The following SMARCA2 variants were observed in gnomAD, a reference collection of about 807,000 sequenced individuals.
SMARCA2 encodes SWI/SNF related BAF chromatin remodeling complex subunit ATPase 2, also known as SWI/SNF-related matrix-associated actin-dependent regulator of chromatin subfamily A member 2.
Under a neutral mutation model 199.8 loss-of-function variants are expected in SMARCA2, and 61 were observed. The observed-to-expected ratio is 0.31, with a 90% CI of 0.25 to 0.38. The LOEUF (loss-of-function observed/expected upper bound fraction) is 0.38, where lower values mean the gene tolerates loss of function less well. Among genes scored for constraint, SMARCA2 ranks in the 10% least tolerant of loss-of-function variants. The pLI is 1.00. For missense variants in SMARCA2, 1,344 were observed against 2,012.2 expected, an observed-to-expected ratio of 0.67 and a Z score of 6.35; for synonymous variants, 935 against 732.0, an observed-to-expected ratio of 1.28 and a Z score of -4.48.
Position 2,056,947 on chromosome 9 carries a change from G to A in SMARCA2, c.1347+102G>A. ...ACTGAAAAATGGACCCTTGTGGGTG[G>A]TGGGGACATCACAGAACAGAACGGT... On this transcript the variant is annotated intron_variant, in intron 7 of 33. Coordinates refer to ENST00000349721, the MANE Select transcript of SMARCA2 (RefSeq NM_003070.5). This position sits in a 1 kb window ranked among gnomAD's most constrained non-coding sequence, Gnocchi z 4.0. 2.0e-6 allele frequency: 2 copies of A among 1,017,226 alleles called. No individual in the cohort carries two copies. Among genetic ancestry groups the A allele is most frequent in the Non-Finnish European group, 2.9e-6 (2 of 691,694 alleles). 63.0% of individuals were successfully genotyped at this position (1,017,226 alleles called of 1,614,324 possible).
chr9:2,021,244 T>A (rs773610423), intron 1 of SMARCA2, among the ~76,000 whole-genome samples: 24 of 152,130 alleles, frequency 1.6e-4, no homozygotes, highest in Non-Finnish European at 2.8e-4. Context: ...CCCACAGAAG[T>A]TGAAATAATA....
intron 24 of SMARCA2, among the ~76,000 whole-genome samples, chr9:2,113,977 T>G (rs1455493263): frequency 6.6e-6 from 1 of 152,198 alleles, no homozygotes; most frequent in Admixed American, 6.5e-5. Flanking sequence ...GTGAGAACAG[T>G]TGTTCAATTT....
At chr9:2,165,088 T>C (rs1401390957) in intron 28 of SMARCA2, among the ~76,000 whole-genome samples, 1 of 152,212 alleles carries the variant, frequency 6.6e-6, no homozygotes, top group Non-Finnish European at 1.5e-5. Flanking sequence ...TGTGTTGAGA[T>C]TTTTGCACCA....
Position 2,095,817 on chromosome 9 carries a change from A to G in SMARCA2, c.2884-840A>G, listed in dbSNP as rs139704675. The stretch of plus-strand genomic sequence containing the variant: ...TGATTTATTTTTAATCACATTCTGC[A>G]TATTTCTAGGCATTAATCTGATGTT... On this transcript the variant is annotated intron_variant, in intron 19 of 33. Coordinates refer to ENST00000349721, the MANE Select transcript of SMARCA2 (RefSeq NM_003070.5). Among the ~76,000 whole-genome samples the G allele has an allele frequency of 2.6e-3, 395 of 152,366 alleles. 4 individuals are homozygous for G. Among genetic ancestry groups the G allele is most frequent in the South Asian group, 6.6e-3 (32 of 4,834 alleles).
intron 27 of SMARCA2, among the ~76,000 whole-genome samples, chr9:2,146,632 A>C (rs558832482): frequency 6.6e-6 from 1 of 152,210 alleles, no homozygotes; most frequent in Non-Finnish European, 1.5e-5. Context: ...TAAAGGGATA[A>C]AGAATGGCTA....
At chr9:2,098,472 A>G (rs954162922) in intron 21 of SMARCA2, among the ~76,000 whole-genome samples, 12 of 152,164 alleles carry the variant, frequency 7.9e-5, no homozygotes, top group Non-Finnish European at 2.9e-5. Flanking sequence ...GCTGTGCTGG[A>G]TAATTGGAAA....
intron 31 of SMARCA2, among the ~76,000 whole-genome samples, chr9:2,182,563 G>A (rs1235179015): frequency 7.3e-6 from 1 of 137,746 alleles, no homozygotes; most frequent in African/African-American, 2.7e-5. Flanking sequence ...GTGCCTTCTC[G>A]GCTCATGGCA....
intron 27 of SMARCA2, among the ~76,000 whole-genome samples, chr9:2,135,232 A>G (rs1038651087): frequency 6.6e-6 from 1 of 152,220 alleles, no homozygotes; most frequent in Admixed American, 6.5e-5. Flanking sequence ...CAAGAAAAGA[A>G]GGAATTCCCC....
Position 2,060,849 on chromosome 9 carries a change from G to T in SMARCA2, c.1555G>T (p.Asp519Tyr). 2 of 1,613,974 alleles carry T rather than the reference G, an allele frequency of 1.2e-6. No individual in the cohort carries two copies. Among genetic ancestry groups the T allele is most frequent in the South Asian group, 2.2e-5 (2 of 90,992 alleles). The change falls in exon 9 of 34, where the codon GAT becomes TAT. Residue 519 changes from aspartate to tyrosine, a missense_variant. Around this residue, in one of 18 missense-constraint regions of SMARCA2, gnomAD observed 4 missense variants for 35.9 expected, o/e 0.11. Transcript: ENST00000349721. Reference protein sequence around the residue: ...EDEEGYRKLIDQKKDRRLAYL... With the variant: ...EDEEGYRKLIYQKKDRRLAYL... Reference sequence around the variant, plus strand: ...TGAGGAGGGTTATAGAAAACTGATTGATCAAAAGAAAGACAGGCGTTTAGC... The same window carrying T: ...TGAGGAGGGTTATAGAAAACTGATTTATCAAAAGAAAGACAGGCGTTTAGC...
At chr9:2,192,631 A>C (rs1827964755) in intron 33 of SMARCA2, 73 bp from the exon 34 acceptor site, 1 of 1,045,466 alleles carries the variant, frequency 9.6e-7, no homozygotes, top group African/African-American at 1.6e-5. Flanking sequence ...TGGCCTCTTG[A>C]TGGTTTGTTG....
intron 31 of SMARCA2, among the ~76,000 whole-genome samples, chr9:2,182,802 A>G (rs1827146196): frequency 2.8e-5 from 2 of 70,906 alleles, no homozygotes; most frequent in South Asian, 1.0e-3. Context: ...GCCTCAAAGC[A>G]TATATTTTTT....
At chr9:2,037,707 T>C (rs574463229) in intron 3 of SMARCA2, among the ~76,000 whole-genome samples, 12 of 152,328 alleles carry the variant, frequency 7.9e-5, no homozygotes, top group African/African-American at 2.4e-4. Flanking sequence ...TAAACACTTA[T>C]GTGATGACCT....
At chr9:2,033,425 T>TTGTTTTG in intron 3 of SMARCA2, among the ~76,000 whole-genome samples, 1 of 152,350 alleles carries the variant, frequency 6.6e-6, no homozygotes, top group East Asian at 1.9e-4. Context: ...ACAATTTACT[T>TTGTTTTG]TGTTTTGCTA....
At chr9:2,061,239 G>T (rs1320925217) in intron 9 of SMARCA2, among the ~76,000 whole-genome samples, 1 of 152,134 alleles carries the variant, frequency 6.6e-6, no homozygotes, top group Non-Finnish European at 1.5e-5. Context: ...TTTAATAGAA[G>T]ATTTTAAATT....
rs1032022736 is a variant in SMARCA2, at chr9:2,147,707, G to A, written c.3982-13979G>A. On this transcript the variant is annotated intron_variant, in intron 27 of 33. Coordinates refer to ENST00000349721, the MANE Select transcript of SMARCA2 (RefSeq NM_003070.5). Reference sequence around the variant, plus strand: ...CTAAAAATACGAAAATTAGCGGGGCGTGGTGGGCGGGCACTTGTAATCCCA... The same window carrying A: ...CTAAAAATACGAAAATTAGCGGGGCATGGTGGGCGGGCACTTGTAATCCCA... Among the ~76,000 whole-genome samples the A allele has an allele frequency of 9.2e-5, 14 of 151,674 alleles. 1 individual carries two copies. Among genetic ancestry groups the A allele is most frequent in the Admixed American group, 3.9e-4 (6 of 15,250 alleles).
Position 2,150,531 on chromosome 9 carries a change from G to A in SMARCA2, c.3982-11155G>A, listed in dbSNP as rs202244818. ...GGCAGTTTCCCTTAGATTATAGGAT[G>A]GCAGGAAAGATAAAGCCTGCCATCG... On this transcript the variant is annotated intron_variant, in intron 27 of 33. Transcript: ENST00000349721. Among the ~76,000 whole-genome samples, 16 of 151,744 alleles carry A rather than the reference G, an allele frequency of 1.1e-4. No homozygotes were observed. The East Asian group carries it at 2.7e-3, about 26-fold the overall frequency.
At chr9:2,134,781 A>G (rs1332530870) in intron 27 of SMARCA2, among the ~76,000 whole-genome samples, 1 of 152,080 alleles carries the variant, frequency 6.6e-6, no homozygotes, top group Non-Finnish European at 1.5e-5. Flanking sequence ...CATGAATGGA[A>G]TTAGTACTCT....
intron 17 of SMARCA2, among the ~76,000 whole-genome samples, chr9:2,085,016 A>G (rs1161893260): frequency 1.3e-5 from 2 of 152,186 alleles, no homozygotes; most frequent in African/African-American, 4.8e-5. Context: ...AAACTAAGTT[A>G]TGTCCAAAAT....
At chr9:2,111,952 G>A (rs1212036274) in intron 24 of SMARCA2, among the ~76,000 whole-genome samples, 2 of 152,178 alleles carry the variant, frequency 1.3e-5, no homozygotes, top group South Asian at 2.1e-4. Flanking sequence ...TTCTGATCTT[G>A]AAAAGGATTG....
Sources: allele counts gnomAD v4.1 joint callset (sites outside exome capture counted in the v4.1 genomes callset), GRCh38; gene constraint gnomAD v4.1.1; regional missense constraint gnomAD v4.1.1; non-coding constraint Gnocchi (gnomAD v3.1); transcripts MANE v1.5; gene names NCBI Gene and HGNC (gene_info 2026-07-23, HGNC 2026-07-21).